PKIA: variants seen among roughly 807,000 people sequenced by gnomAD.
PKIA encodes PKI-alpha.
In PKIA, 4 loss-of-function variants were observed where a neutral mutation model predicts 7.6. That is an observed-to-expected ratio of 0.52 (90% CI 0.26 to 1.20). The LOEUF is 1.20. PKIA is among the 50% of genes most tolerant of loss of function. The pLI, the probability that PKIA is intolerant of heterozygous loss-of-function variation, is 0.13. For missense variants in PKIA, 73 were observed against 86.2 expected (o/e 0.85, Z 0.61); for synonymous variants, 21 against 30.7 (o/e 0.68, Z 1.04).
chr8:78,576,261 A>G (rs1210726359), intron 2 of PKIA, among the ~76,000 whole-genome samples: 1 of 152,028 alleles, frequency 6.6e-6, no homozygotes, highest in Non-Finnish European at 1.5e-5. Flanking sequence ...TCTGTTTAAT[A>G]GTCACTATAT....
intron 2 of PKIA, among the ~76,000 whole-genome samples, chr8:78,573,495 A>G (rs548762818): frequency 2.2e-4 from 33 of 151,980 alleles, no homozygotes; most frequent in Non-Finnish European, 4.3e-4. Flanking sequence ...ATCTATGCAC[A>G]TCAGCATCCC....
intron 1 of PKIA, among the ~76,000 whole-genome samples, chr8:78,558,146 G>A (rs1221692268): frequency 2.0e-5 from 3 of 152,206 alleles, no homozygotes; most frequent in South Asian, 2.1e-4. Context: ...AATGAATACC[G>A]CTTCTGGATC....
intron 1 of PKIA, among the ~76,000 whole-genome samples, chr8:78,548,434 T>C (rs1806889167): frequency 6.6e-6 from 1 of 152,144 alleles, no homozygotes; most frequent in Non-Finnish European, 1.5e-5. Context: ...CTCATTGGAA[T>C]CTAGAGTATT....
In PKIA at chr8:78,605,028, C is replaced by T. The variant is rs191305432; in HGVS notation, c.*3207C>T. The T allele has an allele frequency of 1.1e-4, 16 of 151,992 alleles. No individual in the cohort carries two copies. The East Asian group carries it at 2.5e-3, about 24-fold the overall frequency. 9.4% of individuals were successfully genotyped at this position (151,992 alleles called of 1,614,324 possible). A position where few individuals can be genotyped will look rare whatever the true frequency, so the allele number is the denominator to read the frequency against. ...TGGATAAAGAAATGTAACTGCCGGG[C>T]AGCAAAGCTTCTAAGTGAAACCTGT... On this transcript the variant is annotated 3_prime_UTR_variant, in exon 4 of 4. Coordinates refer to ENST00000396418, the MANE Select transcript of PKIA (RefSeq NM_006823.4).
intron 1 of PKIA, among the ~76,000 whole-genome samples, chr8:78,564,932 G>C (rs1807368304): frequency 6.6e-6 from 1 of 151,672 alleles, no homozygotes; most frequent in Admixed American, 6.6e-5. Context: ...AAATTTAAAA[G>C]CTCTGCAACA....
intron 1 of PKIA, among the ~76,000 whole-genome samples, chr8:78,528,631 C>T (rs1179145764): frequency 6.6e-6 from 1 of 150,398 alleles, no homozygotes; most frequent in Non-Finnish European, 1.5e-5. Context: ...CAAGACCAGC[C>T]TGGCCAACAT....
At chr8:78,521,591 C>T (rs543711910) in intron 1 of PKIA, among the ~76,000 whole-genome samples, 1 of 151,686 alleles carries the variant, frequency 6.6e-6, no homozygotes, top group South Asian at 2.1e-4. Flanking sequence ...TCCCAAATAC[C>T]TTTTTTTGTA....
intron 1 of PKIA, among the ~76,000 whole-genome samples, chr8:78,569,455 C>T (rs1807497424): frequency 6.6e-6 from 1 of 152,154 alleles, no homozygotes; most frequent in African/African-American, 2.4e-5. Flanking sequence ...AGTATGGTGT[C>T]AGCAAGGCCC....
At chr8:78,542,006 C>A (rs559542844) in intron 1 of PKIA, among the ~76,000 whole-genome samples, 1 of 151,970 alleles carries the variant, frequency 6.6e-6, no homozygotes, top group South Asian at 2.1e-4. Flanking sequence ...CCTATCTCTA[C>A]AAAAAATATA....
chr8:78,521,049 G>A (rs1809406378), intron 1 of PKIA, among the ~76,000 whole-genome samples: 1 of 152,050 alleles, frequency 6.6e-6, no homozygotes, highest in East Asian at 1.9e-4. Context: ...AAAAAGGCAT[G>A]GAAAGGGAGC....
At chr8:78,537,370 A>T (rs1171675176) in intron 1 of PKIA, among the ~76,000 whole-genome samples, 2 of 152,006 alleles carry the variant, frequency 1.3e-5, no homozygotes, top group Non-Finnish European at 2.9e-5. Context: ...AAATTTTTCC[A>T]ATACTTGCTC....
At chr8:78,542,116 T>C (rs919441073) in intron 1 of PKIA, among the ~76,000 whole-genome samples, 3 of 152,146 alleles carry the variant, frequency 2.0e-5, no homozygotes, top group Non-Finnish European at 4.4e-5. Context: ...TGAGCCATGA[T>C]GGCACCACTG....
At chr8:78,576,021 C>A (rs1807666545) in intron 2 of PKIA, among the ~76,000 whole-genome samples, 1 of 151,986 alleles carries the variant, frequency 6.6e-6, no homozygotes, top group Non-Finnish European at 1.5e-5. Context: ...TCGCTGTTTG[C>A]ACGCATCCCT....
In PKIA at chr8:78,582,919, C is replaced by A. The variant is rs200625498; in HGVS notation, c.-28+9980C>A. Reference sequence around the variant, plus strand: ...CAGGCCATGTAACAACTGGGCAATTCAGCAAACAAGTTCAAAAAAATTCCT... The same window carrying A: ...CAGGCCATGTAACAACTGGGCAATTAAGCAAACAAGTTCAAAAAAATTCCT... On this transcript the variant is annotated intron_variant, in intron 2 of 3. Coordinates refer to ENST00000396418, the MANE Select transcript of PKIA (RefSeq NM_006823.4). Among the ~76,000 whole-genome samples the A allele has an allele frequency of 7.2e-5, 11 of 152,226 alleles. No individual in the cohort carries two copies. In the East Asian group the frequency reaches 2.1e-3, roughly 29 times the overall value.
Position 78,536,708 on chromosome 8 carries a change from G to C in PKIA, c.-157+20240G>C, listed in dbSNP as rs1264725651. ...GAACTTTGGGAAAGCATATATAAGA[G>C]TTTCTTTGACCCCGAATAGTCCATG... On this transcript the variant is annotated intron_variant, in intron 1 of 3. Coordinates refer to ENST00000396418, the MANE Select transcript of PKIA (RefSeq NM_006823.4). Among the ~76,000 whole-genome samples, 3 of 152,070 alleles carry C rather than the reference G, an allele frequency of 2.0e-5. No individual in the cohort carries two copies. The East Asian group carries it at 5.8e-4, about 29-fold the overall frequency.
intron 1 of PKIA, among the ~76,000 whole-genome samples, chr8:78,568,927 A>T (rs952409938): frequency 6.6e-6 from 1 of 152,130 alleles, no homozygotes; most frequent in African/African-American, 2.4e-5. Context: ...AGCAGGCAGC[A>T]CTGTGGTTCC....
chr8:78,593,354 C>T (rs948198845), intron 2 of PKIA, among the ~76,000 whole-genome samples: 7 of 152,140 alleles, frequency 4.6e-5, no homozygotes, highest in African/African-American at 1.4e-4. Flanking sequence ...AACTCCTGAC[C>T]TCTTGATCAG....
Position 78,602,343 on chromosome 8 carries a change from T to G in PKIA, c.*522T>G. 6.5e-6 allele frequency: 1 copy of G among 152,744 alleles called. No individual in the cohort carries two copies. Among genetic ancestry groups the G allele is most frequent in the East Asian group, 1.9e-4 (1 of 5,194 alleles). The allele number at this position is 152,744 out of a possible 1,614,324, so 9.5% of individuals were successfully genotyped here. Reference sequence around the variant, plus strand: ...ATTGTACAATATATATGCTCAGCACTGCCCCCTTCTCTGATTGCTTATGAA... The same window carrying G: ...ATTGTACAATATATATGCTCAGCACGGCCCCCTTCTCTGATTGCTTATGAA... On this transcript the variant is annotated 3_prime_UTR_variant, in exon 4 of 4. Coordinates refer to ENST00000396418, the MANE Select transcript of PKIA (RefSeq NM_006823.4).
intron 3 of PKIA, 98 bp downstream of exon 3, chr8:78,598,633 C>G (rs1363403619): frequency 2.2e-6 from 2 of 923,780 alleles, no homozygotes; most frequent in African/African-American, 3.3e-5. Flanking sequence ...TGAAAGTAAT[C>G]TAATGTAAAG....
Sources: allele counts gnomAD v4.1 joint callset (sites outside exome capture counted in the v4.1 genomes callset), GRCh38; gene constraint gnomAD v4.1.1; transcripts MANE v1.5; gene names NCBI Gene and HGNC (gene_info 2026-07-23, HGNC 2026-07-21).